Variants in PTER observed in about 807,000 individuals in gnomAD.
PTER encodes N-acetyltaurine hydrolase.
In PTER, 38 loss-of-function variants were observed where a neutral mutation model predicts 29.6. The observed-to-expected ratio is 1.28, with a 90% CI of 0.99 to 1.68. PTER has a LOEUF of 1.68. Among genes scored for constraint, PTER ranks in the 40% most tolerant of loss-of-function variants. The pLI, the probability that PTER is intolerant of heterozygous loss-of-function variation, is 0.00. For synonymous variants in PTER, 172 were observed against 154.5 expected (o/e 1.11, Z -0.84); for missense variants, 482 against 427.8 (o/e 1.13, Z -1.12).
chr10:16,502,945 C>T (rs1206597638), intron 3 of PTER, among the ~76,000 whole-genome samples: 2 of 144,052 alleles, frequency 1.4e-5, no homozygotes, highest in Admixed American at 7.0e-5. Flanking sequence ...GCCGAGATCA[C>T]GCCACTGCAC....
chr10:16,454,783 CAATA>C (rs917191902), intron 1 of PTER, among the ~76,000 whole-genome samples: 23 of 151,402 alleles, frequency 1.5e-4, no homozygotes, highest in African/African-American at 4.8e-4. Context: ...TGTCTAATAA[CAATA>C]AATAATAGAA....
intron 1 of PTER, among the ~76,000 whole-genome samples, chr10:16,476,782 C>G (rs1835282350): frequency 6.6e-6 from 1 of 151,708 alleles, no homozygotes; most frequent in Non-Finnish European, 1.5e-5. Flanking sequence ...AGGCTGGTCT[C>G]AAACTTCTAG....
intron 1 of PTER, among the ~76,000 whole-genome samples, chr10:16,446,516 A>T (rs1834018370): frequency 6.6e-6 from 1 of 152,054 alleles, no homozygotes; most frequent in South Asian, 2.1e-4. Flanking sequence ...AGATAGAGAG[A>T]TCAAACTATT....
intron 1 of PTER, among the ~76,000 whole-genome samples, chr10:16,479,270 T>C (rs923234427): frequency 9.9e-5 from 15 of 152,210 alleles, no homozygotes; most frequent in African/African-American, 3.6e-4. Context: ...GCATGGTTAC[T>C]GATTCTTTTG....
At chr10:16,444,204 C>T (rs1297693322) in intron 1 of PTER, among the ~76,000 whole-genome samples, 4 of 151,920 alleles carry the variant, frequency 2.6e-5, no homozygotes, top group Non-Finnish European at 4.4e-5. Context: ...GCATGTTGGC[C>T]GGGATGGTCT....
At chr10:16,445,318 A>C (rs1322976858) in intron 1 of PTER, among the ~76,000 whole-genome samples, 1 of 152,200 alleles carries the variant, frequency 6.6e-6, no homozygotes, top group Non-Finnish European at 1.5e-5. Flanking sequence ...AGGCTGAGGC[A>C]GGAGAATGGC....
chr10:16,459,507 C>T (rs1462958796), intron 1 of PTER, among the ~76,000 whole-genome samples: 1 of 151,960 alleles, frequency 6.6e-6, no homozygotes, highest in East Asian at 1.9e-4. Context: ...AGATAAATAT[C>T]GATTATTTTT....
chr10:16,485,480 A>C (rs960494493), intron 2 of PTER, among the ~76,000 whole-genome samples: 1 of 152,202 alleles, frequency 6.6e-6, no homozygotes, highest in Non-Finnish European at 1.5e-5. Context: ...GTTTACACAT[A>C]TATGTATATA....
intron 1 of PTER, among the ~76,000 whole-genome samples, chr10:16,440,585 A>G (rs1203503860): frequency 6.6e-6 from 1 of 152,162 alleles, no homozygotes; most frequent in African/African-American, 2.4e-5. Flanking sequence ...CCAGGCAGGT[A>G]TGTCCACGTG....
intron 3 of PTER, among the ~76,000 whole-genome samples, chr10:16,504,797 T>C (rs952855958): frequency 6.6e-6 from 1 of 152,242 alleles, no homozygotes; most frequent in Non-Finnish European, 1.5e-5. Flanking sequence ...CCAAGTACTT[T>C]AGAGGGGAAA....
chr10:16,454,448 C>T (rs1309153352), intron 1 of PTER, among the ~76,000 whole-genome samples: 1 of 151,816 alleles, frequency 6.6e-6, no homozygotes, highest in African/African-American at 2.4e-5. Flanking sequence ...TGGTGGTGCA[C>T]ACCTGTAATC....
At chr10:16,465,225 A>C (rs2078518) in intron 1 of PTER, among the ~76,000 whole-genome samples, 92,739 of 151,998 alleles carry the variant, frequency 0.61, 29,171 homozygotes, top group East Asian at 0.81. Flanking sequence ...AAAAACGATG[A>C]GTGACTCATT....
chr10:16,492,858 G>T (rs940681060), intron 3 of PTER, among the ~76,000 whole-genome samples: 2 of 152,188 alleles, frequency 1.3e-5, no homozygotes, highest in African/African-American at 4.8e-5. Flanking sequence ...AAGGGTTTCT[G>T]AAAGACAACA....
chr10:16,466,652 G>A (rs983691372), intron 1 of PTER, among the ~76,000 whole-genome samples: 2 of 152,170 alleles, frequency 1.3e-5, no homozygotes, highest in South Asian at 2.1e-4. Context: ...CACTGCACCT[G>A]GCCTGATTCT....
chr10:16,497,009 A>T (rs950817925), intron 3 of PTER, among the ~76,000 whole-genome samples: 4 of 147,372 alleles, frequency 2.7e-5, no homozygotes, highest in Non-Finnish European at 5.9e-5. Flanking sequence ...ATCTCGGCTC[A>T]CTGCAGCCTT....
chr10:16,497,781 C>T (rs181955701), intron 3 of PTER, among the ~76,000 whole-genome samples: 2 of 152,256 alleles, frequency 1.3e-5, no homozygotes, highest in African/African-American at 4.8e-5. Flanking sequence ...AACTAAACCC[C>T]TCAGCATATG....
intron 1 of PTER, among the ~76,000 whole-genome samples, chr10:16,443,933 C>G (rs1833929787): frequency 6.6e-6 from 1 of 151,914 alleles, no homozygotes; most frequent in Admixed American, 6.6e-5. Context: ...TTACAATTAT[C>G]ACGATACTAT....
At chr10:16,514,255 T>C (rs1045634921), downstream of PTER, 24 of 437,934 alleles carry the variant, frequency 5.5e-5, no homozygotes, top group African/African-American at 4.0e-4. Context: ...TATAAAAATT[T>C]GTGATCTATA....
intron 1 of PTER, among the ~76,000 whole-genome samples, chr10:16,437,886 A>G (rs540819701): frequency 6.6e-6 from 1 of 152,350 alleles, no homozygotes; most frequent in South Asian, 2.1e-4. Flanking sequence ...GTCAACAGGA[A>G]CTAAAGGTAT....
Sources: allele counts gnomAD v4.1 joint callset (sites outside exome capture counted in the v4.1 genomes callset), GRCh38; gene constraint gnomAD v4.1.1; transcripts MANE v1.5; gene names NCBI Gene and HGNC (gene_info 2026-07-23, HGNC 2026-07-21).